MAD1L1: variants seen among roughly 807,000 people sequenced by gnomAD.
MAD1L1 encodes the protein mitotic spindle assembly checkpoint protein MAD1.
In MAD1L1, 95 loss-of-function variants were observed where a neutral mutation model predicts 96.9. The observed-to-expected ratio is 0.98, with a 90% CI of 0.83 to 1.16. The LOEUF is 1.16. Ranked by LOEUF, MAD1L1 falls within the 50% of genes most tolerant of loss-of-function variation. The probability of loss-of-function intolerance (pLI) is 0.00; values close to 1 mark genes in which losing one functional copy is unlikely to be tolerated. For missense variants in MAD1L1, 1,007 were observed against 954.4 expected, an observed-to-expected ratio of 1.06 and a Z score of -0.73; for synonymous variants, 473 against 396.6, an observed-to-expected ratio of 1.19 and a Z score of -2.29.
rs370136955 is a variant in MAD1L1 at position 2,002,052 on chromosome 7, G to T, written c.1416+13C>A. 1.2e-6 allele frequency: 2 copies of T among 1,612,866 alleles called. No homozygotes were observed. Among genetic ancestry groups the T allele is most frequent in the African/African-American group, 1.3e-5 (1 of 74,938 alleles). On this transcript the variant is annotated intron_variant, in intron 14 of 18. Transcript: ENST00000265854. ...GGTGCCCTGAATCCCAGCCACTCCC[G>T]CGTCTGACTCACCATGTCTGCTCTT...
At chr7:1,820,368 G>A (rs1203383423) in intron 18 of MAD1L1, among the ~76,000 whole-genome samples, 1 of 152,142 alleles carries the variant, frequency 6.6e-6, no homozygotes, top group Non-Finnish European at 1.5e-5. Flanking sequence ...CCTACTTCAA[G>A]AAACGAAGGG....
intron 14 of MAD1L1, 184 bp from the exon 15 acceptor site, chr7:1,980,725 C>T (rs772559522): frequency 8.6e-6 from 6 of 699,338 alleles, no homozygotes; most frequent in South Asian, 1.5e-5. Flanking sequence ...ACTTTGCAAA[C>T]TCAAGTTCTC....
chr7:2,180,533 T>C (rs1408821670), intron 10 of MAD1L1, among the ~76,000 whole-genome samples: 3 of 152,182 alleles, frequency 2.0e-5, no homozygotes, highest in Non-Finnish European at 4.4e-5. Context: ...AGTTTTCAAA[T>C]GTGAAATGTC....
chr7:2,221,160 A>C (rs1584585962), intron 5 of MAD1L1: 1 of 741,826 alleles, frequency 1.3e-6, no homozygotes. Context: ...GCCCCACCCC[A>C]CCGGGCACCG....
At chr7:1,969,418 T>C (rs1163430979) in intron 15 of MAD1L1, among the ~76,000 whole-genome samples, 2 of 152,118 alleles carry the variant, frequency 1.3e-5, no homozygotes, top group African/African-American at 4.8e-5. Flanking sequence ...AAAAAACCTA[T>C]AGCTTATGTC....
At chr7:2,227,792 C>A (rs571218404) in intron 3 of MAD1L1, among the ~76,000 whole-genome samples, 1 of 152,168 alleles carries the variant, frequency 6.6e-6, no homozygotes, top group South Asian at 2.1e-4. Flanking sequence ...CTGAGCCTCT[C>A]GAGAAGGGTG....
At chr7:1,841,678 C>G (rs1334976959) in intron 18 of MAD1L1, among the ~76,000 whole-genome samples, 3 of 152,224 alleles carry the variant, frequency 2.0e-5, no homozygotes, top group Non-Finnish European at 4.4e-5. Context: ...CCAGTCCGGC[C>G]TTCCCGGACC....
At chr7:1,887,945 A>G (rs1786230765) in intron 18 of MAD1L1, among the ~76,000 whole-genome samples, 1 of 141,694 alleles carries the variant, frequency 7.1e-6, no homozygotes, top group Admixed American at 6.9e-5. Flanking sequence ...ACGTGTGTGT[A>G]TGCACATGTG....
At chr7:2,030,592 G>A (rs1001253205) in intron 12 of MAD1L1, among the ~76,000 whole-genome samples, 2 of 152,196 alleles carry the variant, frequency 1.3e-5, no homozygotes, top group Non-Finnish European at 2.9e-5. Context: ...GCCGGACCCC[G>A]CAGGAGTGGA....
chr7:2,113,866 C>T (rs546359007), intron 11 of MAD1L1, among the ~76,000 whole-genome samples: 402 of 152,310 alleles, frequency 2.6e-3, no homozygotes, highest in Non-Finnish European at 4.2e-3. Context: ...CACAAAACAC[C>T]AGCCCGTGCT....
At chr7:2,198,105 G>T (rs1315051521) in intron 10 of MAD1L1, among the ~76,000 whole-genome samples, 1 of 151,168 alleles carries the variant, frequency 6.6e-6, no homozygotes, top group African/African-American at 2.4e-5. Context: ...TTTTTTGGAG[G>T]AAGGGTTATC....
At chr7:2,132,232 C>G (rs1028412815) in intron 11 of MAD1L1, among the ~76,000 whole-genome samples, 1 of 152,238 alleles carries the variant, frequency 6.6e-6, no homozygotes, top group Non-Finnish European at 1.5e-5. Flanking sequence ...TACCCTTCAG[C>G]CCCCAGGCAG....
At chr7:2,002,244 G>A (rs1456124184) in intron 13 of MAD1L1, 123 bp from the exon 14 acceptor site, 15 of 974,840 alleles carry the variant, frequency 1.5e-5, no homozygotes, top group East Asian at 1.5e-4. Context: ...CGGGACCCAG[G>A]AGCTGGGAAG....
intron 11 of MAD1L1, among the ~76,000 whole-genome samples, chr7:2,111,252 G>C (rs1031064947): frequency 6.6e-6 from 1 of 152,172 alleles, no homozygotes; most frequent in Non-Finnish European, 1.5e-5. Context: ...AGAGGGGCTC[G>C]GGAAGCCAGG....
intron 16 of MAD1L1, among the ~76,000 whole-genome samples, chr7:1,942,117 G>C (rs912438145): frequency 2.6e-5 from 4 of 152,186 alleles, no homozygotes; most frequent in African/African-American, 9.7e-5. Context: ...CCGCACACCT[G>C]TCTGTCCATC....
chr7:2,005,415 G>C (rs1040134392), intron 13 of MAD1L1, among the ~76,000 whole-genome samples: 14 of 152,138 alleles, frequency 9.2e-5, no homozygotes, highest in African/African-American at 3.4e-4. Context: ...GTGCACTTTG[G>C]TGTATTGTGT....
At chr7:1,835,148 G>C (rs1373773885) in intron 18 of MAD1L1, among the ~76,000 whole-genome samples, 1 of 151,800 alleles carries the variant, frequency 6.6e-6, no homozygotes, top group Non-Finnish European at 1.5e-5. Flanking sequence ...AGCAAACTAG[G>C]ATTAGAAGAG....
At chr7:2,206,572 C>T (rs894243267) in intron 10 of MAD1L1, among the ~76,000 whole-genome samples, 30 of 152,214 alleles carry the variant, frequency 2.0e-4, no homozygotes, top group African/African-American at 7.2e-4. Context: ...ATTATCTGGA[C>T]ACTTTGACAA....
In MAD1L1 at chr7:1,815,952, G is replaced by C; in HGVS notation, c.*118C>G. 8.2e-7 allele frequency: 1 copy of C among 1,223,884 alleles called. No homozygotes were observed. The highest frequency in any genetic ancestry group is 1.1e-6 in the Non-Finnish European group (1 of 901,046). The allele number at this position is 1,223,884 out of a possible 1,614,324, so 75.8% of individuals were successfully genotyped here. On this transcript the variant is annotated 3_prime_UTR_variant, in exon 19 of 19. Coordinates refer to ENST00000265854, the MANE Select transcript of MAD1L1 (RefSeq NM_001013836.2). ...AGGTCCCAGCGTGTCTGTCAGTCAT[G>C]CTGCTGCCCTGTGGGGCTGGAGAGG...
Sources: allele counts gnomAD v4.1 joint callset (sites outside exome capture counted in the v4.1 genomes callset), GRCh38; gene constraint gnomAD v4.1.1; transcripts MANE v1.5; gene names NCBI Gene and HGNC (gene_info 2026-07-23, HGNC 2026-07-21).